The following PDZD7 variants were observed in gnomAD, a reference collection of about 807,000 sequenced individuals.
PDZD7 encodes PDZ domain-containing protein 7.
Under a neutral mutation model 84.7 loss-of-function variants are expected in PDZD7, and 72 were observed. The ratio of observed to expected loss-of-function variants is 0.85; its 90% CI spans 0.70 to 1.03. The LOEUF (loss-of-function observed/expected upper bound fraction) is 1.03, where lower values mean the gene tolerates loss of function less well. Ranked by LOEUF, PDZD7 falls within the 50% of genes least tolerant of loss-of-function variation. The probability of loss-of-function intolerance (pLI) is 0.00; values close to 1 mark genes in which losing one functional copy is unlikely to be tolerated. For missense variants in PDZD7, 1,490 were observed against 1,412.9 expected (o/e 1.05, Z -0.87); for synonymous variants, 594 against 580.7 (o/e 1.02, Z -0.33).
Position 101,018,892 on chromosome 10 carries a change from C to A in PDZD7, c.1254G>T (p.Thr418=), listed in dbSNP as rs777259927. The change falls in exon 8 of 17, where the codon ACG becomes ACT. Residue 418 remains threonine (T), a synonymous_variant. Coordinates refer to ENST00000619208, the MANE Select transcript of PDZD7 (RefSeq NM_001195263.2). ...GTCGGCTGAGGGCCAGCAGCAAAGC[C>A]GTCTTGGGAGACTCAGAGAGCGCAG... The part of the protein sequence containing the change: ...LDSALSESPK[T]ALLLALSRPR... 7 of 1,604,870 alleles carry A rather than the reference C, an allele frequency of 4.4e-6. No individual in the cohort carries two copies. In the South Asian group the frequency reaches 5.6e-5, roughly 13 times the overall value.
chr10:101,008,079 A>C lies in PDZD7; in HGVS notation c.*388T>G. 3.1e-5 allele frequency: 7 copies of C among 225,622 alleles called. No homozygotes were observed. Among genetic ancestry groups the C allele is most frequent in the East Asian group, 9.1e-5 (1 of 11,008 alleles). 14.0% of individuals were successfully genotyped at this position (225,622 alleles called of 1,614,324 possible). On this transcript the variant is annotated 3_prime_UTR_variant, in exon 17 of 17. Transcript: ENST00000619208. ...ACAGAATGCTGCTTGGGGTTGAGGA[A>C]TGGATGCATTGACCCCTTCAGGGCC... is the stretch of plus-strand genomic sequence containing the variant.
At position 101,011,707 on chromosome 10, in the gene PDZD7, A is replaced by C. The variant is rs1564628148; in HGVS notation, c.1988T>G (p.Leu663Arg). Residue 663 changes from leucine to arginine, a missense_variant, in exon 14 of 17, where the codon CTT becomes CGT. Physicochemically the swap from Leu to Arg is moderately radical, Grantham distance 102. Coordinates refer to ENST00000619208, the MANE Select transcript of PDZD7 (RefSeq NM_001195263.2). ...TGACTGACCAGGCACGGGGGTGATA[A>C]GGTGACGCTTGGGTGGCGTGTCCTG... The part of the protein sequence containing the change: ...ARQDTPPKRH[L>R]ITPVPDSRGG... The C allele has an allele frequency of 6.5e-7, 1 of 1,540,796 alleles. No homozygotes were observed. The highest frequency in any genetic ancestry group is 8.7e-7 in the Non-Finnish European group (1 of 1,146,826).
At chr10:101,010,917 C>T in intron 14 of PDZD7, 34 bp from the exon 15 acceptor site, 1 of 1,514,396 alleles carries the variant, frequency 6.6e-7, no homozygotes, top group Non-Finnish European at 8.7e-7. Flanking sequence ...CTGCCCACTC[C>T]TCCCCTCTCC....
Position 101,011,920 on chromosome 10 carries a change from C to G in PDZD7, c.1933+5G>C. 2 of 1,550,032 alleles carry G rather than the reference C, an allele frequency of 1.3e-6. No individual in the cohort carries two copies. Among genetic ancestry groups the G allele is most frequent in the Non-Finnish European group, 1.7e-6 (2 of 1,146,964 alleles). ...GACCCAGAAGCCCCGCCCCCCACTG[C>G]TGACCTGCCCTGCTCTTGAGGGCCT... is the stretch of plus-strand genomic sequence containing the variant. On this transcript the variant is annotated splice_donor_5th_base_variant and intron_variant, in intron 13 of 16. Transcript: ENST00000619208.
chr10:101,017,896 G>T (rs201604084), intron 9 of PDZD7: 2 of 389,720 alleles, frequency 5.1e-6, no homozygotes, highest in African/African-American at 5.7e-5. Flanking sequence ...AGAAAGAAAA[G>T]AAAGAAAGAA....
intron 11 of PDZD7, 90 bp downstream of exon 11, chr10:101,015,546 A>G: frequency 6.9e-7 from 1 of 1,454,858 alleles, no homozygotes; most frequent in African/African-American, 1.4e-5. Context: ...TCAAGCCCAG[A>G]CACTGGTCAG....
rs146801433 is a variant in PDZD7 at position 101,022,298 on chromosome 10, G to T, written c.630C>A (p.Ile210=). Residue 210 remains isoleucine, a synonymous_variant, in exon 5 of 17, where the codon ATC becomes ATA. Coordinates refer to ENST00000619208, the MANE Select transcript of PDZD7 (RefSeq NM_001195263.2). ...CGTCGGAGGTTGTGTATAGGTGGAC[G>T]ATGCGCCGGACACCATCTTCTGAGC... The part of the protein sequence containing the change: ...DTSSEDGVRR[I]VHLYTTSDDF... 1 of 1,614,226 alleles carries T rather than the reference G, an allele frequency of 6.2e-7. No individual in the cohort carries two copies. The highest frequency in any genetic ancestry group is 8.5e-7 in the Non-Finnish European group (1 of 1,180,046).
At chr10:101,024,128 G>A in intron 2 of PDZD7, 60 bp from the exon 3 acceptor site, 1 of 1,613,206 alleles carries the variant, frequency 6.2e-7, no homozygotes, top group East Asian at 2.2e-5. Context: ...AGGGCCCCTG[G>A]GTTCCCCAAC....
In PDZD7 at chr10:101,015,937, C is replaced by A. The variant is rs1852605511; in HGVS notation, c.1574-126G>T. On this transcript the variant is annotated intron_variant, in intron 10 of 16. Transcript: ENST00000619208. ...CCTAGCCTAGCCTATATGCTCCCCA[C>A]CATGGTAGCCCACAGCAACCTGCCC... 6 of 1,049,696 alleles carry A rather than the reference C, an allele frequency of 5.7e-6. No homozygotes were observed. The Admixed American group carries it at 1.7e-4, about 30-fold the overall frequency. The allele number at this position is 1,049,696 out of a possible 1,614,324, so 65.0% of individuals were successfully genotyped here.
At chr10:101,018,342 A>C in intron 8 of PDZD7, 46 bp from the exon 9 acceptor site, 1 of 1,517,558 alleles carries the variant, frequency 6.6e-7, no homozygotes, top group Non-Finnish European at 9.1e-7. Flanking sequence ...GGTGGGCAGA[A>C]GGGAAGGACG....
Position 101,010,541 on chromosome 10 carries a change from C to T in PDZD7, c.2348G>A (p.Arg783His), listed in dbSNP as rs1064796284. 2.6e-6 allele frequency: 4 copies of T among 1,521,068 alleles called. No individual in the cohort carries two copies. Among genetic ancestry groups the T allele is most frequent in the East Asian group, 2.5e-5 (1 of 40,616 alleles). 94.2% of individuals were successfully genotyped at this position (1,521,068 alleles called of 1,614,324 possible). A position where few individuals can be genotyped will look rare whatever the true frequency, so the allele number is the denominator to read the frequency against. The part of the protein sequence containing the change: ...RSRSRSRSRS[R>H]SSRGQGKSPG... ...AGACTTGCCTTGACCCCGGCTGCTGCGGCTGCGGCTGCGGCTACGGCTGCG... is the reference window on the plus strand; with the variant it reads ...AGACTTGCCTTGACCCCGGCTGCTGTGGCTGCGGCTGCGGCTACGGCTGCG... Residue 783 changes from arginine to histidine, a missense_variant, in exon 15 of 17, where the codon CGC becomes CAC. Coordinates refer to ENST00000619208, the MANE Select transcript of PDZD7 (RefSeq NM_001195263.2).
chr10:101,022,596 CTTTT>C (rs1315085387), intron 4 of PDZD7, among the ~76,000 whole-genome samples: 5 of 140,886 alleles, frequency 3.5e-5, no homozygotes, highest in Non-Finnish European at 3.1e-5. Context: ...AGGACCATTC[CTTTT>C]TTTTTTTTTT....
intron 2 of PDZD7, among the ~76,000 whole-genome samples, chr10:101,026,593 G>T (rs1937715131): frequency 6.6e-6 from 1 of 151,354 alleles, no homozygotes; most frequent in South Asian, 2.1e-4. Flanking sequence ...GGGGTAAGTT[G>T]GGTCCCAGGT....
In PDZD7 at chr10:101,018,957, T is replaced by G. The variant is rs1165318787; in HGVS notation, c.1189A>C (p.Ile397Leu). The G allele has an allele frequency of 1.3e-6, 2 of 1,597,834 alleles. No homozygotes were observed. The highest frequency in any genetic ancestry group is 2.3e-5 in the East Asian group (1 of 44,268). The change falls in exon 8 of 17, where the codon ATC becomes CTC. Residue 397 changes from isoleucine (I) to leucine (L), a missense_variant. By Grantham distance (5) the Ile-to-Leu change is conservative (BLOSUM62 2). Transcript: ENST00000619208. ...CCGGGATGGGGGCCGTCCGAGCGGA[T>G]GGCGGTGTCCCTGAGGATGACTGTG... ...RPTVILRDTA[I>L]RSDGPHPGRR...
intron 10 of PDZD7, 147 bp downstream of exon 10, chr10:101,016,230 C>T (rs1852618741): frequency 1.2e-6 from 1 of 819,160 alleles, no homozygotes; most frequent in Non-Finnish European, 2.0e-6. Context: ...TTTTAGCTGC[C>T]CCCAATACAT....
chr10:101,014,353 G>C lies in PDZD7; in HGVS notation c.1749+1283C>G, dbSNP rs182549629. Among the ~76,000 whole-genome samples the C allele has an allele frequency of 2.1e-3, 322 of 152,228 alleles. 7 individuals are homozygous for C. In the South Asian group the frequency reaches 0.032, roughly 15 times the overall value. ...GGGCTTGGGTCAGGTTTGGGTGGTGGTTGAGCTCGGCAGGTGGTATGGGGG... is the reference window on the plus strand; with the variant it reads ...GGGCTTGGGTCAGGTTTGGGTGGTGCTTGAGCTCGGCAGGTGGTATGGGGG... On this transcript the variant is annotated intron_variant, in intron 11 of 16. Coordinates refer to ENST00000619208, the MANE Select transcript of PDZD7 (RefSeq NM_001195263.2).
At chr10:101,009,423 A>G in intron 15 of PDZD7, 73 bp from the exon 16 acceptor site, 1 of 1,225,924 alleles carries the variant, frequency 8.2e-7, no homozygotes, top group Non-Finnish European at 1.2e-6. Context: ...AGAAACCTAG[A>G]ATCCCATCCC....
In PDZD7 at chr10:101,008,382, G is replaced by C; in HGVS notation, c.*85C>G. 2 of 1,325,820 alleles carry C rather than the reference G, an allele frequency of 1.5e-6. No individual in the cohort carries two copies. The highest frequency in any genetic ancestry group is 1.5e-5 in the South Asian group (1 of 66,132). The allele number at this position is 1,325,820 out of a possible 1,614,324, so 82.1% of individuals were successfully genotyped here. ...GAGGAGGCAGGGTGGGCAGGAGCTGGAGAGTCCTGAAGAAGTTGGTAGGAG... is the reference window on the plus strand; with the variant it reads ...GAGGAGGCAGGGTGGGCAGGAGCTGCAGAGTCCTGAAGAAGTTGGTAGGAG... On this transcript the variant is annotated 3_prime_UTR_variant, in exon 17 of 17. Coordinates refer to ENST00000619208, the MANE Select transcript of PDZD7 (RefSeq NM_001195263.2).
At position 101,022,399 on chromosome 10, in the gene PDZD7, G is replaced by C; in HGVS notation, c.543-14C>G. The C allele has an allele frequency of 1.2e-6, 2 of 1,613,844 alleles. No individual in the cohort carries two copies. Among genetic ancestry groups the C allele is most frequent in the South Asian group, 2.2e-5 (2 of 91,062 alleles). On this transcript the variant is annotated splice_polypyrimidine_tract_variant and intron_variant, in intron 4 of 16. Transcript: ENST00000619208. Reference sequence around the variant, plus strand: ...ACCACATCCACCCTGGACAACAGCAGGGGGCCCTCAGGTGGGGTCCTCCAT... The same window carrying C: ...ACCACATCCACCCTGGACAACAGCACGGGGCCCTCAGGTGGGGTCCTCCAT...
Sources: gnomAD v4.1 joint callset for allele counts (sites outside exome capture counted in the v4.1 genomes callset) on GRCh38, gnomAD v4.1.1 for gene constraint, MANE v1.5 for transcripts, NCBI Gene and HGNC (gene_info 2026-07-23, HGNC 2026-07-21) for gene names.